Variants in CDC14B observed in about 807,000 individuals in gnomAD.
CDC14B encodes cell division cycle 14B, also known as dual specificity protein phosphatase CDC14B.
CDC14B carries 22 observed loss-of-function variants against 64.2 expected under a neutral mutation model. The ratio of observed to expected loss-of-function variants is 0.34; its 90% CI spans 0.24 to 0.49. The LOEUF is 0.49. CDC14B is among the 20% of genes least tolerant of loss of function. The pLI, the probability that CDC14B is intolerant of heterozygous loss-of-function variation, is 0.99. For synonymous variants in CDC14B, 191 were observed against 215.8 expected (o/e 0.89, Z 1.01); for missense variants, 498 against 629.9 (o/e 0.79, Z 2.24).
At chr9:96,497,121 C>G (rs138595813), downstream of CDC14B, among the ~76,000 whole-genome samples, 27 of 152,354 alleles carry the variant, frequency 1.8e-4, no homozygotes, top group Non-Finnish European at 3.4e-4. Context: ...GTGGCCCTCC[C>G]ACGCGGAGTC....
intron 12 of CDC14B, among the ~76,000 whole-genome samples, chr9:96,518,932 C>T (rs1267642891): frequency 1.3e-5 from 2 of 151,894 alleles, no homozygotes; most frequent in African/African-American, 2.4e-5. Flanking sequence ...GTCAGGAGAT[C>T]GAGACCATCC....
intron 1 of CDC14B, among the ~76,000 whole-genome samples, chr9:96,611,243 T>C (rs1847302401): frequency 6.6e-6 from 1 of 152,364 alleles, no homozygotes; most frequent in African/African-American, 2.4e-5. Context: ...CCCTGCCTAA[T>C]ATGGACGTCA....
chr9:96,562,647 C>T, intron 4 of CDC14B, 46 bp downstream of exon 4: 1 of 1,200,064 alleles, frequency 8.3e-7, no homozygotes, highest in Non-Finnish European at 1.2e-6. Context: ...TAAAGAACCA[C>T]TGTTGTGTGC....
intron 12 of CDC14B, among the ~76,000 whole-genome samples, chr9:96,518,660 A>C (rs539672453): frequency 6.6e-6 from 1 of 152,286 alleles, no homozygotes; most frequent in African/African-American, 2.4e-5. Flanking sequence ...ACAAGCTACT[A>C]ATATACATAA....
downstream of CDC14B, among the ~76,000 whole-genome samples, chr9:96,495,590 C>T (rs1833209072): frequency 6.6e-6 from 1 of 152,158 alleles, no homozygotes; most frequent in Non-Finnish European, 1.5e-5. Flanking sequence ...GCAAACTGAC[C>T]ACAACTTGCA....
chr9:96,608,498 A>G (rs868790730), intron 1 of CDC14B, among the ~76,000 whole-genome samples: 2 of 152,206 alleles, frequency 1.3e-5, no homozygotes, highest in Non-Finnish European at 2.9e-5. Context: ...TAATTCTATT[A>G]TACATTCATG....
chr9:96,546,500 A>C (rs149943589), intron 5 of CDC14B, among the ~76,000 whole-genome samples: 7,802 of 150,418 alleles, frequency 0.052, 681 homozygotes, highest in African/African-American at 0.18. Context: ...CCCAGGCTGG[A>C]GTGCAATGAC....
intron 1 of CDC14B, among the ~76,000 whole-genome samples, chr9:96,573,603 T>C (rs116041575): frequency 1.3e-5 from 2 of 152,012 alleles, no homozygotes; most frequent in African/African-American, 4.8e-5. Flanking sequence ...GGTCTTTTCA[T>C]GAAACCTGAC....
intron 12 of CDC14B, among the ~76,000 whole-genome samples, chr9:96,513,571 G>A (rs995170125): frequency 1.3e-5 from 2 of 152,108 alleles, no homozygotes; most frequent in African/African-American, 4.8e-5. Flanking sequence ...TTGGAGCCTC[G>A]GTACTCTGAG....
intron 1 of CDC14B, among the ~76,000 whole-genome samples, chr9:96,594,864 A>C (rs1157959936): frequency 2.6e-5 from 4 of 152,258 alleles, no homozygotes; most frequent in South Asian, 4.1e-4. Flanking sequence ...AATAATAATT[A>C]GCCCTTGGCT....
intron 9 of CDC14B, among the ~76,000 whole-genome samples, chr9:96,530,266 T>A (rs1179082156): frequency 6.6e-6 from 1 of 151,752 alleles, no homozygotes; most frequent in African/African-American, 2.4e-5. Flanking sequence ...GCTCTGTGTG[T>A]GTGTGCGTAA....
Position 96,518,865 on chromosome 9 carries a change from A to G in CDC14B, c.1343+3641T>C, listed in dbSNP as rs558202116. On this transcript the variant is annotated intron_variant, in intron 12 of 13. Transcript: ENST00000375241. The stretch of plus-strand genomic sequence containing the variant: ...TAAGAATTATTTTCCGGCCGGGTGC[A>G]GTGGCTCACACCTGTAATCCCAGCA... 3.4e-4 allele frequency among the ~76,000 whole-genome samples: 51 copies of G among 152,214 alleles called. 1 individual carries two copies. The highest frequency in any genetic ancestry group is 5.5e-4 in the African/African-American group (23 of 41,536).
intron 1 of CDC14B, among the ~76,000 whole-genome samples, chr9:96,602,058 C>CAAAAA (rs1291131497): frequency 1.3e-5 from 2 of 151,616 alleles, no homozygotes; most frequent in African/African-American, 4.8e-5. Flanking sequence ...GACTCAGTCT[C>CAAAAA]AAAAACAAAA....
chr9:96,518,655 C>T (rs1436997956), intron 12 of CDC14B, among the ~76,000 whole-genome samples: 1 of 152,118 alleles, frequency 6.6e-6, no homozygotes, highest in Non-Finnish European at 1.5e-5. Context: ...AAAAAACAAG[C>T]TACTAATATA....
At chr9:96,539,170 A>C in intron 6 of CDC14B, 30 bp from the exon 7 acceptor site, 1 of 1,469,950 alleles carries the variant, frequency 6.8e-7, no homozygotes, top group Non-Finnish European at 9.5e-7. Context: ...TTTTAAGAAC[A>C]AGGATGCAAA....
At chr9:96,507,483 T>C (rs1422548070) in intron 13 of CDC14B, among the ~76,000 whole-genome samples, 2 of 151,558 alleles carry the variant, frequency 1.3e-5, no homozygotes, top group Non-Finnish European at 2.9e-5. Context: ...TGGCGCGATC[T>C]CAGCTCACTG....
At chr9:96,569,110 G>T (rs1564360553) in intron 1 of CDC14B, among the ~76,000 whole-genome samples, 1 of 152,102 alleles carries the variant, frequency 6.6e-6, no homozygotes, top group Non-Finnish European at 1.5e-5. Flanking sequence ...CTAGAAATAG[G>T]GAATAAGAGA....
At chr9:96,497,538 C>T (rs1833305936), downstream of CDC14B, among the ~76,000 whole-genome samples, 1 of 147,352 alleles carries the variant, frequency 6.8e-6, no homozygotes, top group East Asian at 1.9e-4. Flanking sequence ...GGACAGTGAG[C>T]GTGACCCCCT....
intron 1 of CDC14B, among the ~76,000 whole-genome samples, chr9:96,605,861 C>CAA (rs1345048995): frequency 6.9e-6 from 1 of 145,276 alleles, no homozygotes; most frequent in Non-Finnish European, 1.5e-5. Context: ...AATTTTGCCT[C>CAA]AAAAAAAAAA....
Sources: gnomAD v4.1 joint callset for allele counts (sites outside exome capture counted in the v4.1 genomes callset) on GRCh38, gnomAD v4.1.1 for gene constraint, MANE v1.5 for transcripts, NCBI Gene and HGNC (gene_info 2026-07-23, HGNC 2026-07-21) for gene names.